The following HCK variants were observed in gnomAD, a reference collection of about 807,000 sequenced individuals.
HCK encodes tyrosine-protein kinase HCK.
HCK carries 40 observed loss-of-function variants against 70.4 expected under a neutral mutation model. That is an observed-to-expected ratio of 0.57 (90% CI 0.44 to 0.74). The LOEUF (loss-of-function observed/expected upper bound fraction) is 0.74, where lower values mean the gene tolerates loss of function less well. Ranked by LOEUF, HCK falls within the 30% of genes least tolerant of loss-of-function variation. The pLI is 0.00. For missense variants in HCK, 568 were observed against 697.2 expected (o/e 0.81, Z 2.09); for synonymous variants, 245 against 263.2 (o/e 0.93, Z 0.67).
At chr20:32,088,779 CTA>C in intron 10 of HCK, 135 bp downstream of exon 10, 11 of 648,344 alleles carry the variant, frequency 1.7e-5, no homozygotes, top group Non-Finnish European at 3.0e-5. Flanking sequence ...CAGTATAAAA[CTA>C]TGTTTTTTGC....
At position 32,083,962 on chromosome 20, in the gene HCK, C is replaced by T. The variant is rs753175110; in HGVS notation, c.601C>T (p.Arg201Trp). The T allele has an allele frequency of 4.3e-6, 7 of 1,614,038 alleles. No homozygotes were observed. Among genetic ancestry groups the T allele is most frequent in the East Asian group, 2.2e-5 (1 of 44,894 alleles). ...AGATACCGTGAAACATTACAAGATCCGGACCCTGGACAACGGGGGCTTCTA... is the reference window on the plus strand; with the variant it reads ...AGATACCGTGAAACATTACAAGATCTGGACCCTGGACAACGGGGGCTTCTA... The change falls in exon 7 of 13, where the codon CGG becomes TGG. Residue 201 changes from arginine (R) to tryptophan (W), a missense_variant. By Grantham distance (101) the Arg-to-Trp change is moderately radical (BLOSUM62 -3). Transcript: ENST00000375852.
At chr20:32,071,886 G>T in intron 2 of HCK, 104 bp downstream of exon 2, 2 of 1,410,502 alleles carry the variant, frequency 1.4e-6, no homozygotes, top group Non-Finnish European at 1.9e-6. Flanking sequence ...TGAGCTTGGG[G>T]TGAAAGGGAG....
intron 2 of HCK, 161 bp downstream of exon 2, chr20:32,071,943 C>T (rs759301060): frequency 3.2e-5 from 27 of 835,652 alleles, no homozygotes; most frequent in East Asian, 2.2e-4. Flanking sequence ...CGGGACGCAG[C>T]GCCAGCCAGC....
At chr20:32,081,561 A>T (rs1205164252) in intron 6 of HCK, among the ~76,000 whole-genome samples, 1 of 152,164 alleles carries the variant, frequency 6.6e-6, no homozygotes, top group African/African-American at 2.4e-5. Context: ...ACATTGATTA[A>T]AGGCATGTTC....
At chr20:32,060,635 T>C (rs890497748) in intron 1 of HCK, among the ~76,000 whole-genome samples, 3 of 152,352 alleles carry the variant, frequency 2.0e-5, no homozygotes, top group African/African-American at 7.2e-5. Flanking sequence ...ATTGGTCAGA[T>C]GGATAATAAA....
chr20:32,062,681 C>A (rs1275821660), intron 1 of HCK, among the ~76,000 whole-genome samples: 1 of 152,100 alleles, frequency 6.6e-6, no homozygotes, highest in African/African-American at 2.4e-5. Flanking sequence ...GTTTTGAGCT[C>A]TATGAGAAAG....
rs2045743658 is a variant in HCK at position 32,083,981 on chromosome 20, G to A, written c.620G>A (p.Gly207Asp). ...AAGATCCGGACCCTGGACAACGGGGGCTTCTACATATCCCCCCGAAGCACC... is the reference window on the plus strand; with the variant it reads ...AAGATCCGGACCCTGGACAACGGGGACTTCTACATATCCCCCCGAAGCACC... The change falls in exon 7 of 13, where the codon GGC becomes GAC. Residue 207 changes from glycine (G) to aspartate (D), a missense_variant. Gly to Asp is a moderately conservative substitution (Grantham distance 94). Transcript: ENST00000375852. The A allele has an allele frequency of 6.2e-7, 1 of 1,614,204 alleles. No individual in the cohort carries two copies. The highest frequency in any genetic ancestry group is 8.5e-7 in the Non-Finnish European group (1 of 1,180,048).
intron 9 of HCK, among the ~76,000 whole-genome samples, chr20:32,087,814 T>C (rs1184078105): frequency 1.3e-5 from 2 of 152,098 alleles, no homozygotes; most frequent in East Asian, 3.9e-4. Context: ...GCCAATTTTT[T>C]TGTATTTTTA....
Position 32,083,946 on chromosome 20 carries a change from G to A in HCK, c.585G>A (p.Val195=), listed in dbSNP as rs2045742764. 1.9e-6 allele frequency: 3 copies of A among 1,614,074 alleles called. No homozygotes were observed. Among genetic ancestry groups the A allele is most frequent in the African/African-American group, 1.3e-5 (1 of 74,926 alleles). ...ACGACCCTCGGCAGGGAGATACCGT[G>A]AAACATTACAAGATCCGGACCCTGG... Residue 195 remains valine, a synonymous_variant, in exon 7 of 13, where the codon GTG becomes GTA. Coordinates refer to ENST00000375852, the MANE Select transcript of HCK (RefSeq NM_002110.5).
At chr20:32,056,094 C>A (rs1458037217) in intron 1 of HCK, among the ~76,000 whole-genome samples, 2 of 152,210 alleles carry the variant, frequency 1.3e-5, no homozygotes, top group Non-Finnish European at 2.9e-5. Context: ...CAGGTTGTTT[C>A]CACATTTTGA....
chr20:32,064,387 A>G (rs144959021), intron 1 of HCK, among the ~76,000 whole-genome samples: 201 of 152,278 alleles, frequency 1.3e-3, no homozygotes, highest in African/African-American at 2.9e-3. Context: ...CTCTATCCCA[A>G]TCCATAAACT....
At position 32,101,555 on chromosome 20, in the gene HCK, G is replaced by C; in HGVS notation, c.*36G>C. The C allele has an allele frequency of 6.4e-7, 1 of 1,571,176 alleles. No individual in the cohort carries two copies. Among genetic ancestry groups the C allele is most frequent in the Non-Finnish European group, 8.7e-7 (1 of 1,151,604 alleles). The stretch of plus-strand genomic sequence containing the variant: ...CAGGGCAGGGCCAGGGGGTGCCCAG[G>C]TGGTGGCTGCAAGGTGGCTCCAGCA... On this transcript the variant is annotated 3_prime_UTR_variant, in exon 13 of 13. Coordinates refer to ENST00000375852, the MANE Select transcript of HCK (RefSeq NM_002110.5).
intron 10 of HCK, among the ~76,000 whole-genome samples, chr20:32,093,516 T>TGTGTGTGTGTGC (rs1479242992): frequency 6.6e-6 from 1 of 151,988 alleles, no homozygotes; most frequent in Non-Finnish European, 1.5e-5. Context: ...TGTGTGTGTG[T>TGTGTGTGTGTGC]GTGTGTGCAT....
intron 1 of HCK, among the ~76,000 whole-genome samples, chr20:32,058,400 C>A (rs1022352916): frequency 4.6e-5 from 7 of 151,930 alleles, no homozygotes; most frequent in Admixed American, 4.6e-4. Flanking sequence ...GGCGTGGTGG[C>A]GGGCGCCTGT....
rs201117750 is a variant in HCK at position 32,098,979 on chromosome 20, G to A, written c.1247-25G>A. 113 of 1,610,138 alleles carry A rather than the reference G, an allele frequency of 7.0e-5. No individual in the cohort carries two copies. The African/African-American group carries it at 1.1e-3, about 15-fold the overall frequency. On this transcript the variant is annotated intron_variant, in intron 11 of 12. Transcript: ENST00000375852. ...CCCTCACTACTCCCCAGCCTTCCCC[G>A]ACTCTGCTCTGTTCAACCCTGCAGG...
Position 32,086,659 on chromosome 20 carries a change from G to A in HCK, c.867G>A (p.Val289=). Reference sequence around the variant, plus strand: ...ACAACAAGCACACCAAGGTGGCAGTGAAGACGATGAAGCCAGGGAGCATGT... The same window carrying A: ...ACAACAAGCACACCAAGGTGGCAGTAAAGACGATGAAGCCAGGGAGCATGT... Residue 289 remains valine, a synonymous_variant, in exon 9 of 13, where the codon GTG becomes GTA. Transcript: ENST00000375852. 5 of 1,613,150 alleles carry A rather than the reference G, an allele frequency of 3.1e-6. No individual in the cohort carries two copies. Among genetic ancestry groups the A allele is most frequent in the Non-Finnish European group, 3.4e-6 (4 of 1,179,568 alleles).
At chr20:32,063,956 G>A (rs1343869643) in intron 1 of HCK, among the ~76,000 whole-genome samples, 1 of 142,500 alleles carries the variant, frequency 7.0e-6, no homozygotes, top group Non-Finnish European at 1.5e-5. Context: ...GCTGGCTCTC[G>A]TTGGCCAGAA....
chr20:32,089,879 T>C (rs2045841246), intron 10 of HCK, among the ~76,000 whole-genome samples: 1 of 152,252 alleles, frequency 6.6e-6, no homozygotes, highest in African/African-American at 2.4e-5. Flanking sequence ...GGTAAAGGTC[T>C]TTTAGACAAA....
chr20:32,093,483 T>C (rs2045890744), intron 10 of HCK, among the ~76,000 whole-genome samples: 1 of 122,932 alleles, frequency 8.1e-6, no homozygotes, highest in African/African-American at 3.1e-5. Context: ...CATAGTATCC[T>C]AGGGTTCGTG....
Sources: allele counts gnomAD v4.1 joint callset (sites outside exome capture counted in the v4.1 genomes callset), GRCh38; gene constraint gnomAD v4.1.1; transcripts MANE v1.5; gene names NCBI Gene and HGNC (gene_info 2026-07-23, HGNC 2026-07-21).